CDH2: variants seen among roughly 807,000 people sequenced by gnomAD.
CDH2 encodes the protein cadherin 2.
A neutral mutation model predicts 92.0 loss-of-function variants in CDH2; 17 were observed. That is an observed-to-expected ratio of 0.18 (90% CI 0.13 to 0.28). The LOEUF (loss-of-function observed/expected upper bound fraction) is 0.28. Among genes scored for constraint, CDH2 ranks in the 10% least tolerant of loss-of-function variants. The pLI, the probability that CDH2 is intolerant of heterozygous loss-of-function variation, is 1.00. For missense variants in CDH2, 862 were observed against 1,133.1 expected (o/e 0.76, Z 3.44); for synonymous variants, 419 against 415.9 (o/e 1.01, Z -0.09).
intron 2 of CDH2, among the ~76,000 whole-genome samples, chr18:28,074,487 C>T (rs2014680028): frequency 6.6e-6 from 1 of 152,084 alleles, no homozygotes; most frequent in Non-Finnish European, 1.5e-5. Context: ...CTCAAGTGAT[C>T]CACCCGCATC....
chr18:27,967,319 G>T (rs2011555038), intron 14 of CDH2, among the ~76,000 whole-genome samples: 1 of 152,136 alleles, frequency 6.6e-6, no homozygotes, highest in Non-Finnish European at 1.5e-5. Flanking sequence ...CCTGAACTGA[G>T]AGTCTAATTT....
At chr18:28,128,627 A>G (rs1013918000) in intron 2 of CDH2, among the ~76,000 whole-genome samples, 13 of 152,082 alleles carry the variant, frequency 8.5e-5, no homozygotes, top group African/African-American at 3.1e-4. Flanking sequence ...TCAAGGCTGC[A>G]GACAGCCGTG....
At chr18:28,088,300 T>C (rs1217674035) in intron 2 of CDH2, among the ~76,000 whole-genome samples, 2 of 152,338 alleles carry the variant, frequency 1.3e-5, no homozygotes, top group Non-Finnish European at 2.9e-5. Context: ...CAAAAATCAC[T>C]GTAGACATAG....
At chr18:28,019,836 G>A (rs2144053647) in intron 2 of CDH2, among the ~76,000 whole-genome samples, 1 of 152,210 alleles carries the variant, frequency 6.6e-6, no homozygotes, top group South Asian at 2.1e-4. Flanking sequence ...GGAATGTGGT[G>A]TATTACACAA....
chr18:28,077,890 C>CAAAAAAAAAAAAA (rs71171659), intron 2 of CDH2, among the ~76,000 whole-genome samples: 2 of 67,356 alleles, frequency 3.0e-5, no homozygotes, highest in African/African-American at 1.2e-4. Context: ...GACCCTGTCT[C>CAAAAAAAAAAAAA]AAAAAAAAAA....
chr18:28,090,031 A>G (rs2015007103), intron 2 of CDH2, among the ~76,000 whole-genome samples: 1 of 152,236 alleles, frequency 6.6e-6, no homozygotes, highest in Non-Finnish European at 1.5e-5. Context: ...TAGCATAACT[A>G]CAAAAAATTA....
intron 1 of CDH2, among the ~76,000 whole-genome samples, chr18:28,174,948 A>C (rs2144377048): frequency 6.6e-6 from 1 of 152,340 alleles, no homozygotes; most frequent in East Asian, 1.9e-4. Context: ...TAAAAAATGT[A>C]TCACATCTCC....
chr18:27,946,408 T>C (rs1316031822), downstream of CDH2, among the ~76,000 whole-genome samples: 1 of 152,130 alleles, frequency 6.6e-6, no homozygotes, highest in African/African-American at 2.4e-5. Context: ...TAATACTGTA[T>C]GGAATTTTCT....
At chr18:28,065,870 C>T (rs1438762066) in intron 2 of CDH2, among the ~76,000 whole-genome samples, 1 of 152,116 alleles carries the variant, frequency 6.6e-6, no homozygotes, top group Non-Finnish European at 1.5e-5. Context: ...AACTTAAATG[C>T]TAGGGGTTCT....
At chr18:28,120,500 A>G (rs556493468) in intron 2 of CDH2, among the ~76,000 whole-genome samples, 1 of 152,236 alleles carries the variant, frequency 6.6e-6, no homozygotes, top group African/African-American at 2.4e-5. Flanking sequence ...AAACTTTGCT[A>G]TTACATAGTC....
At chr18:27,942,298 T>C (rs1422687422) in intron 6 of CDH2, among the ~76,000 whole-genome samples, 3 of 152,208 alleles carry the variant, frequency 2.0e-5, no homozygotes, top group Non-Finnish European at 4.4e-5. Context: ...TTGTAAATTA[T>C]AAAAGGCTAT....
chr18:28,133,056 T>C (rs993062990), intron 2 of CDH2, among the ~76,000 whole-genome samples: 5 of 152,196 alleles, frequency 3.3e-5, no homozygotes, highest in Non-Finnish European at 2.9e-5. Flanking sequence ...ACTGCCCTTC[T>C]TGAAATCAGC....
intron 2 of CDH2, among the ~76,000 whole-genome samples, chr18:28,019,072 G>A (rs553791360): frequency 8.4e-4 from 128 of 152,010 alleles, no homozygotes; most frequent in South Asian, 3.5e-3. Flanking sequence ...CTATGTTCTC[G>A]CTCATAAGTG....
intron 15 of CDH2, among the ~76,000 whole-genome samples, chr18:27,958,496 C>T (rs1277918513): frequency 7.1e-6 from 1 of 139,998 alleles, no homozygotes; most frequent in Non-Finnish European, 1.6e-5. Flanking sequence ...TACAAATATA[C>T]ATATTTATAT....
At chr18:28,089,957 A>G (rs1347105425) in intron 2 of CDH2, among the ~76,000 whole-genome samples, 1 of 152,178 alleles carries the variant, frequency 6.6e-6, no homozygotes, top group East Asian at 1.9e-4. Flanking sequence ...ATGCTCTTAT[A>G]AACTGTTTTA....
At position 27,952,025 on chromosome 18, in the gene CDH2, C is replaced by G; in HGVS notation, c.*128G>C. 1 of 801,446 alleles carries G rather than the reference C, an allele frequency of 1.2e-6. No individual in the cohort carries two copies. The highest frequency in any genetic ancestry group is 2.1e-6 in the Non-Finnish European group (1 of 482,040). 49.6% of individuals were successfully genotyped at this position (801,446 alleles called of 1,614,324 possible). A position where few individuals can be genotyped will look rare whatever the true frequency, so the allele number is the denominator to read the frequency against. Reference sequence around the variant, plus strand: ...CTCTGAGCCCAAATTGGTTTGCAGCCTATGCCAAAGCCTCCAGCAAGCACT... The same window carrying G: ...CTCTGAGCCCAAATTGGTTTGCAGCGTATGCCAAAGCCTCCAGCAAGCACT... On this transcript the variant is annotated 3_prime_UTR_variant, in exon 16 of 16. Coordinates refer to ENST00000269141, the MANE Select transcript of CDH2 (RefSeq NM_001792.5).
intron 7 of CDH2, among the ~76,000 whole-genome samples, chr18:27,995,350 A>G (rs971230644): frequency 5.3e-5 from 8 of 150,922 alleles, no homozygotes; most frequent in Non-Finnish European, 1.0e-4. Context: ...AACATAGGCT[A>G]TAATACTTCT....
At chr18:28,031,164 C>T (rs1245197471) in intron 2 of CDH2, among the ~76,000 whole-genome samples, 1 of 151,690 alleles carries the variant, frequency 6.6e-6, no homozygotes, top group African/African-American at 2.4e-5. Flanking sequence ...GATGTGAAAG[C>T]CAACTCTGGG....
intron 2 of CDH2, among the ~76,000 whole-genome samples, chr18:28,115,313 G>C (rs757318257): frequency 7.9e-5 from 12 of 152,286 alleles, no homozygotes; most frequent in South Asian, 2.1e-4. Flanking sequence ...AGTGGGGCAT[G>C]AGTCATACTG....
Sources: allele counts gnomAD v4.1 joint callset (sites outside exome capture counted in the v4.1 genomes callset), GRCh38; gene constraint gnomAD v4.1.1; transcripts MANE v1.5; gene names NCBI Gene and HGNC (gene_info 2026-07-23, HGNC 2026-07-21).